The following GSE1 variants were observed in gnomAD, a reference collection of about 807,000 sequenced individuals.
The protein encoded by GSE1 is Gse1 coiled-coil protein.
Under a neutral mutation model 112.6 loss-of-function variants are expected in GSE1, and 32 were observed. The observed-to-expected ratio is 0.28, with a 90% CI of 0.21 to 0.38. The LOEUF is 0.38. Among genes scored for constraint, GSE1 ranks in the 10% least tolerant of loss-of-function variants. The pLI, the probability that GSE1 is intolerant of heterozygous loss-of-function variation, is 1.00. For missense variants in GSE1, 2,348 were observed against 1,699.2 expected (o/e 1.38, Z -6.71); for synonymous variants, 1,115 against 735.6 (o/e 1.52, Z -8.35).
intron 1 of GSE1, among the ~76,000 whole-genome samples, chr16:85,174,456 C>G (rs1008609097): frequency 6.6e-6 from 1 of 152,224 alleles, no homozygotes; most frequent in Non-Finnish European, 1.5e-5. Flanking sequence ...CCTCAGCTCT[C>G]AGCTCCCAGG....
intron 2 of GSE1, among the ~76,000 whole-genome samples, chr16:85,466,491 C>T (rs544319800): frequency 2.6e-5 from 4 of 152,266 alleles, no homozygotes; most frequent in African/African-American, 9.6e-5. Flanking sequence ...CAGCTGAGCT[C>T]GTCGGTCCTG....
At chr16:85,340,921 C>T (rs2046611982) in intron 1 of GSE1, among the ~76,000 whole-genome samples, 1 of 152,222 alleles carries the variant, frequency 6.6e-6, no homozygotes, top group African/African-American at 2.4e-5. Flanking sequence ...TGAGCCTCTG[C>T]ACGAGTTTCC....
intron 1 of GSE1, among the ~76,000 whole-genome samples, chr16:85,290,383 T>C (rs191749347): frequency 6.6e-6 from 1 of 152,266 alleles, no homozygotes. Context: ...GTGAGCTCCG[T>C]TCCATTGGGT....
intron 1 of GSE1, among the ~76,000 whole-genome samples, chr16:85,284,287 G>T (rs1427415316): frequency 6.6e-6 from 1 of 152,252 alleles, no homozygotes; most frequent in African/African-American, 2.4e-5. Context: ...TGACAGCAGA[G>T]AAGGATCAGA....
intron 1 of GSE1, among the ~76,000 whole-genome samples, chr16:85,260,471 C>T (rs1460285504): frequency 2.0e-5 from 3 of 151,756 alleles, no homozygotes; most frequent in South Asian, 2.1e-4. Context: ...TACAGGTGCC[C>T]GCAACCACAC....
At chr16:85,352,787 C>T (rs1346540982) in intron 1 of GSE1, among the ~76,000 whole-genome samples, 1 of 152,140 alleles carries the variant, frequency 6.6e-6, no homozygotes, top group African/African-American at 2.4e-5. Context: ...ATTGACCAGG[C>T]TCCCCTGGGA....
At chr16:85,288,408 G>T (rs2045106103) in intron 1 of GSE1, among the ~76,000 whole-genome samples, 1 of 152,248 alleles carries the variant, frequency 6.6e-6, no homozygotes, top group Non-Finnish European at 1.5e-5. Flanking sequence ...GAGACCCAGG[G>T]CATAGAAGCC....
intron 2 of GSE1, among the ~76,000 whole-genome samples, chr16:85,645,430 C>T (rs901215545): frequency 2.6e-5 from 4 of 152,098 alleles, no homozygotes; most frequent in African/African-American, 9.7e-5. Flanking sequence ...TGCACACAAG[C>T]CCAGGAAACC....
intron 2 of GSE1, among the ~76,000 whole-genome samples, chr16:85,368,978 C>T (rs1442346384): frequency 6.6e-6 from 1 of 152,176 alleles, no homozygotes; most frequent in East Asian, 1.9e-4. Context: ...GGAAACAGCA[C>T]TCTTCCTAGT....
At chr16:85,666,827 G>A (rs750148480) in intron 13 of GSE1, among the ~76,000 whole-genome samples, 10 of 152,230 alleles carry the variant, frequency 6.6e-5, no homozygotes, top group Non-Finnish European at 1.5e-4. Flanking sequence ...CTCTGGATCC[G>A]TGGGTTCCGC....
chr16:85,500,573 G>C (rs868228799), intron 2 of GSE1, among the ~76,000 whole-genome samples: 4 of 152,256 alleles, frequency 2.6e-5, no homozygotes, highest in African/African-American at 4.8e-5. Context: ...GGCAGTGATG[G>C]ATTTGGGCAC....
intron 3 of GSE1, 35 bp downstream of exon 3, chr16:85,648,786 T>A (rs2051093891): frequency 7.8e-7 from 1 of 1,289,364 alleles, no homozygotes; most frequent in African/African-American, 1.5e-5. Flanking sequence ...TAGCGTCCTC[T>A]AAGTGGGGAG....
chr16:85,519,578 A>ACCATCATCACCG (rs1360989506), intron 2 of GSE1, among the ~76,000 whole-genome samples: 1 of 49,126 alleles, frequency 2.0e-5, no homozygotes, highest in Admixed American at 2.3e-4. Flanking sequence ...CACCATCACC[A>ACCATCATCACCG]GTCTCCATCA....
intron 1 of GSE1, among the ~76,000 whole-genome samples, chr16:85,601,322 GC>G (rs2047455738): frequency 6.6e-6 from 1 of 152,066 alleles, no homozygotes; most frequent in African/African-American, 2.4e-5. Flanking sequence ...CAGGGGTGGG[GC>G]AGCCATGGGT....
Position 85,566,344 on chromosome 16 carries a change from C to T in GSE1, c.37+9981C>T, listed in dbSNP as rs76159115. Among the ~76,000 whole-genome samples the T allele has an allele frequency of 1.1e-3, 174 of 152,286 alleles. 1 individual carries two copies. In the East Asian group the frequency reaches 0.03, roughly 26 times the overall value. Reference sequence around the variant, plus strand: ...AATGGCTGTCCGCCAGCCCAGGCCACGCACAGCGCCGTGGTCACAAGGCGG... The same window carrying T: ...AATGGCTGTCCGCCAGCCCAGGCCATGCACAGCGCCGTGGTCACAAGGCGG... On this transcript the variant is annotated intron_variant, in intron 1 of 2. Transcript: ENST00000635906.
intron 1 of GSE1, among the ~76,000 whole-genome samples, chr16:85,347,505 G>C (rs2046767151): frequency 6.6e-6 from 1 of 152,202 alleles, no homozygotes; most frequent in South Asian, 2.1e-4. Flanking sequence ...CCGAGCCTGA[G>C]TGTGTCCTGA....
intron 1 of GSE1, among the ~76,000 whole-genome samples, chr16:85,231,141 G>C (rs1904281251): frequency 6.6e-6 from 1 of 150,758 alleles, no homozygotes; most frequent in African/African-American, 2.4e-5. Context: ...AGGATGGATG[G>C]ATGGATGGAA....
At chr16:85,518,991 G>A (rs1324505240) in intron 2 of GSE1, among the ~76,000 whole-genome samples, 2 of 152,108 alleles carry the variant, frequency 1.3e-5, no homozygotes, top group East Asian at 1.9e-4. Flanking sequence ...CTCTGGACCC[G>A]TCTGCCTCGG....
intron 1 of GSE1, among the ~76,000 whole-genome samples, chr16:85,197,517 G>A (rs2074950427): frequency 6.6e-6 from 1 of 152,172 alleles, no homozygotes; most frequent in Admixed American, 6.5e-5. Flanking sequence ...TCAGCCTAGG[G>A]CCTAAAACCC....
Sources: gnomAD v4.1 joint callset for allele counts (sites outside exome capture counted in the v4.1 genomes callset) on GRCh38, gnomAD v4.1.1 for gene constraint, MANE v1.5 for transcripts, NCBI Gene and HGNC (gene_info 2026-07-23, HGNC 2026-07-21) for gene names.